The following C4orf50 variants were observed in gnomAD, a reference collection of about 807,000 sequenced individuals.
C4orf50 encodes chromosome 4 open reading frame 50, also known as uncharacterized protein C4orf50.
A neutral mutation model predicts 77.2 loss-of-function variants in C4orf50; 80 were observed. That is an observed-to-expected ratio of 1.04 (90% CI 0.87 to 1.25). The LOEUF (loss-of-function observed/expected upper bound fraction) is 1.25, where lower values mean the gene tolerates loss of function less well. Among genes scored for constraint, C4orf50 ranks in the 50% most tolerant of loss-of-function variants. The pLI is 0.00. For missense variants in C4orf50, 1,257 were observed against 1,152.9 expected, an observed-to-expected ratio of 1.09 and a Z score of -1.31; for synonymous variants, 532 against 465.3, an observed-to-expected ratio of 1.14 and a Z score of -1.84.
At chr4:6,001,620 C>A (rs1335587513) in intron 25 of C4orf50, among the ~76,000 whole-genome samples, 1 of 152,144 alleles carries the variant, frequency 6.6e-6, no homozygotes. Flanking sequence ...GGGGCCTCAA[C>A]CCACACAGGC....
At chr4:5,943,992 C>A (rs1342452156) in intron 7 of C4orf50, among the ~76,000 whole-genome samples, 1 of 152,232 alleles carries the variant, frequency 6.6e-6, no homozygotes, top group Non-Finnish European at 1.5e-5. Flanking sequence ...CATGTTACAG[C>A]TGGGCAGTCC....
intron 28 of C4orf50, among the ~76,000 whole-genome samples, chr4:5,983,902 C>A (rs936086503): frequency 6.6e-6 from 1 of 152,230 alleles, no homozygotes; most frequent in Admixed American, 6.5e-5. Context: ...GGCTGAATCA[C>A]AAGCTATGTG....
At chr4:5,955,882 G>T (rs886408535), downstream of C4orf50, among the ~76,000 whole-genome samples, 32 of 152,322 alleles carry the variant, frequency 2.1e-4, no homozygotes, top group South Asian at 4.1e-4. This position sits in a 1 kb window ranked among gnomAD's most constrained non-coding sequence, Gnocchi z 5.1. Context: ...ACAGGCGGGT[G>T]CTGGCAGGGT....
chr4:5,993,816 C>G (rs1721424654), intron 26 of C4orf50, among the ~76,000 whole-genome samples: 1 of 139,808 alleles, frequency 7.2e-6, no homozygotes, highest in South Asian at 2.3e-4. Context: ...GACTCCATCT[C>G]AAAAAAATAA....
At chr4:5,965,110 C>G in exon 33 of C4orf50, 1 of 1,613,548 alleles carries the variant, frequency 6.2e-7, no homozygotes, top group Non-Finnish European at 8.5e-7. Context: ...CTTTGGAGGA[C>G]ACTGTCCATT....
chr4:5,972,718 G>T (rs1719998068), intron 31 of C4orf50, among the ~76,000 whole-genome samples: 1 of 152,246 alleles, frequency 6.6e-6, no homozygotes, highest in African/African-American at 2.4e-5. Context: ...AGCCTGGAGG[G>T]ACCATGGAAA....
intron 7 of C4orf50, among the ~76,000 whole-genome samples, chr4:5,940,383 A>C (rs1465849411): frequency 6.6e-6 from 1 of 152,246 alleles, no homozygotes; most frequent in Non-Finnish European, 1.5e-5. Context: ...GAAAGAACCC[A>C]GGTGCCCTTC....
intron 31 of C4orf50, among the ~76,000 whole-genome samples, chr4:5,968,274 C>A (rs1409129235): frequency 6.6e-6 from 1 of 152,220 alleles, no homozygotes; most frequent in African/African-American, 2.4e-5. Flanking sequence ...CCTGACTCCA[C>A]CTGGCAGAGT....
chr4:5,976,261 C>T (rs569675225), intron 29 of C4orf50, among the ~76,000 whole-genome samples: 1 of 150,946 alleles, frequency 6.6e-6, no homozygotes, highest in Admixed American at 6.6e-5. Flanking sequence ...CTGGCTAACA[C>T]AGTGAAACCC....
chr4:5,997,445 G>A (rs890762991), intron 25 of C4orf50, among the ~76,000 whole-genome samples: 4 of 152,162 alleles, frequency 2.6e-5, no homozygotes, highest in African/African-American at 9.7e-5. Context: ...TGTCACAACC[G>A]ATGAAGGCAG....
intron 7 of C4orf50, among the ~76,000 whole-genome samples, chr4:5,921,310 A>T (rs1022625106): frequency 1.3e-5 from 2 of 152,152 alleles, no homozygotes; most frequent in Non-Finnish European, 2.9e-5. Context: ...CTGTTCAGGA[A>T]CTCAGAAAGA....
At chr4:5,941,115 T>C (rs541610024) in intron 7 of C4orf50, among the ~76,000 whole-genome samples, 1 of 152,358 alleles carries the variant, frequency 6.6e-6, no homozygotes, top group South Asian at 2.1e-4. Flanking sequence ...TACTCAATCA[T>C]ATCTAATTTA....
chr4:5,964,235 T>G (rs922530566), intron 33 of C4orf50, among the ~76,000 whole-genome samples: 3 of 152,268 alleles, frequency 2.0e-5, no homozygotes, highest in Middle Eastern at 6.8e-3. Context: ...GAGCAGCCTC[T>G]TGGGGCCGAC....
chr4:5,922,773 G>C (rs1717335835), intron 7 of C4orf50, among the ~76,000 whole-genome samples: 2 of 152,154 alleles, frequency 1.3e-5, no homozygotes, highest in African/African-American at 2.4e-5. Flanking sequence ...CAGACTCTAG[G>C]GTGGGAAAGG....
At chr4:5,961,735 A>T (rs911680724) in intron 33 of C4orf50, among the ~76,000 whole-genome samples, 2 of 152,212 alleles carry the variant, frequency 1.3e-5, no homozygotes, top group African/African-American at 4.8e-5. Context: ...GAGGCTAATG[A>T]TATAGAGGGC....
chr4:5,969,475 C>T (rs1033407908), intron 31 of C4orf50, among the ~76,000 whole-genome samples: 5 of 150,972 alleles, frequency 3.3e-5, no homozygotes, highest in South Asian at 2.1e-4. Context: ...AACAGCAGGG[C>T]GAGAGGAGGT....
At chr4:5,963,003 T>TC (rs1291022688) in intron 33 of C4orf50, among the ~76,000 whole-genome samples, 4 of 17,586 alleles carry the variant, frequency 2.3e-4, no homozygotes, top group African/African-American at 1.5e-3. Flanking sequence ...TTCTTTTCTT[T>TC]TTTTTTTTTT....
At chr4:5,943,840 T>A (rs114660158) in intron 7 of C4orf50, among the ~76,000 whole-genome samples, 3 of 152,324 alleles carry the variant, frequency 2.0e-5, no homozygotes, top group Non-Finnish European at 2.9e-5. Context: ...TCGGACTTCA[T>A]CTTATTTCCT....
chr4:5,961,819 CCT>C (rs1719294395), intron 33 of C4orf50, among the ~76,000 whole-genome samples: 2 of 149,174 alleles, frequency 1.3e-5, no homozygotes, highest in African/African-American at 5.2e-5. Context: ...GCTCTCTTCT[CCT>C]TTTTTTTTGC....
Sources: gnomAD v4.1 joint callset for allele counts (sites outside exome capture counted in the v4.1 genomes callset) on GRCh38, gnomAD v4.1.1 for gene constraint, Gnocchi (gnomAD v3.1) non-coding constraint, MANE v1.5 for transcripts, NCBI Gene and HGNC (gene_info 2026-07-23, HGNC 2026-07-21) for gene names.